The following STK11IP variants were observed in gnomAD, a reference collection of about 807,000 sequenced individuals.
The protein encoded by STK11IP is serine/threonine-protein kinase 11-interacting protein.
Under a neutral mutation model 131.7 loss-of-function variants are expected in STK11IP, and 103 were observed. That is an observed-to-expected ratio of 0.78 (90% CI 0.67 to 0.92). The LOEUF (loss-of-function observed/expected upper bound fraction) is 0.92. Ranked by LOEUF, STK11IP falls within the 40% of genes least tolerant of loss-of-function variation. STK11IP has a pLI of 0.00. For synonymous variants in STK11IP, 557 were observed against 575.6 expected (o/e 0.97, Z 0.46); for missense variants, 1,315 against 1,385.7 (o/e 0.95, Z 0.81).
At position 219,608,296 on chromosome 2, in the gene STK11IP, T is replaced by C; in HGVS notation, c.1469T>C (p.Val490Ala). 1 of 1,609,380 alleles carries C rather than the reference T, an allele frequency of 6.2e-7. No individual in the cohort carries two copies. The highest frequency in any genetic ancestry group is 1.3e-5 in the African/African-American group (1 of 74,078). The stretch of plus-strand genomic sequence containing the variant: ...TCACCACAGAAAATGTCAGAGGAGG[T>C]CAGGGCGGAGCCACAGGAGGAGGAA... ...QESPQKMSEE[V>A]RAEPQEEEEE... is the part of the protein sequence containing the mutation. Residue 490 changes from valine (V) to alanine (A), a missense_variant, in exon 14 of 25, where the codon GTC becomes GCC. Transcript: ENST00000456909.
At chr2:219,601,851 A>C (rs759174721) in intron 4 of STK11IP, 136 bp downstream of exon 4, 30 of 1,241,040 alleles carry the variant, frequency 2.4e-5, no homozygotes, top group Non-Finnish European at 3.5e-5. Flanking sequence ...TGTGATATCC[A>C]CTGTCTTTCC....
chr2:219,612,907 G>T (rs575861227), intron 19 of STK11IP: 1 of 543,138 alleles, frequency 1.8e-6, no homozygotes, highest in East Asian at 3.2e-5. Context: ...GAGGCGACAG[G>T]CAGGGAAGCC....
intron 23 of STK11IP, 45 bp from the exon 24 acceptor site, chr2:219,615,048 TG>T (rs1416767379): frequency 6.3e-7 from 1 of 1,580,732 alleles, no homozygotes; most frequent in Non-Finnish European, 8.6e-7. Context: ...CCCAGGGATC[TG>T]GGCCCCTCCA....
rs1031896488 is a variant in STK11IP at position 219,598,251 on chromosome 2, G to T, written c.61+71G>T. 4.3e-6 allele frequency: 5 copies of T among 1,155,452 alleles called. No homozygotes were observed. The African/African-American group carries it at 4.7e-5, about 11-fold the overall frequency. The allele number at this position is 1,155,452 out of a possible 1,614,324, so 71.6% of individuals were successfully genotyped here. ...TGGGGGTGGTGCTTTCTGGAGACAC[G>T]CCCTGAGAGTCATGGAGTTACGACT... On this transcript the variant is annotated intron_variant, in intron 2 of 24. Coordinates refer to ENST00000456909, the MANE Select transcript of STK11IP (RefSeq NM_052902.4).
rs990712033 is a variant in STK11IP, at chr2:219,604,892, C to T, written c.619-716C>T. Reference sequence around the variant, plus strand: ...TTGCCCAGGCTGGAGTGCAATGGCACGATCTTGGCTCACCGTAACCTCTGC... The same window carrying T: ...TTGCCCAGGCTGGAGTGCAATGGCATGATCTTGGCTCACCGTAACCTCTGC... On this transcript the variant is annotated intron_variant, in intron 7 of 24. Transcript: ENST00000456909. Among the ~76,000 whole-genome samples the T allele has an allele frequency of 1.3e-4, 19 of 151,998 alleles. No individual in the cohort carries two copies. The South Asian group carries it at 1.7e-3, about 13-fold the overall frequency.
At position 219,608,766 on chromosome 2, in the gene STK11IP, C is replaced by A; in HGVS notation, c.1787C>A (p.Ala596Asp). ...EAAEIEPEAQ[A>D]QRSPRPTGSD... is the part of the protein sequence containing the mutation. ...GCTGAGATAGAGCCGGAGGCCCAGG[C>A]CCAGAGGTCGCCCAGGCCCACGGTG... The change falls in exon 15 of 25, where the codon GCC (alanine) becomes GAC (aspartate). Residue 596 changes from alanine to aspartate, a missense_variant. Coordinates refer to ENST00000456909, the MANE Select transcript of STK11IP (RefSeq NM_052902.4). 2 of 1,608,246 alleles carry A rather than the reference C, an allele frequency of 1.2e-6. No homozygotes were observed. The highest frequency in any genetic ancestry group is 1.7e-6 in the Non-Finnish European group (2 of 1,177,970).
chr2:219,608,065 A>T lies in STK11IP; in HGVS notation c.1238A>T (p.His413Leu). The change falls in exon 14 of 25, where the codon CAC (histidine) becomes CTC (leucine). Residue 413 changes from histidine (H) to leucine (L), a missense_variant. Coordinates refer to ENST00000456909, the MANE Select transcript of STK11IP (RefSeq NM_052902.4). ...TGCCTAGGATGGTTCGTGCAGCAGC[A>T]CCCGGAGCTGGAGCTCATGAGCAGC... ...PSPAGWFVQQ[H>L]PELELMSSFR... 6.2e-7 allele frequency: 1 copy of T among 1,611,956 alleles called. No homozygotes were observed. Among genetic ancestry groups the T allele is most frequent in the African/African-American group, 1.3e-5 (1 of 74,972 alleles).
Position 219,608,135 on chromosome 2 carries a change from C to T in STK11IP, c.1308C>T (p.His436=). Residue 436 remains histidine (H), a synonymous_variant, in exon 14 of 25, where the codon CAC becomes CAT. Coordinates refer to ENST00000456909, the MANE Select transcript of STK11IP (RefSeq NM_052902.4). ...FGRNWLQYRS[H]LEPSGNPLPA... is the part of the protein sequence containing the mutation. ...GCAACTGGCTGCAGTACAGGAGTCACCTGGAGCCCTCCGGAAACCCTCTGC... is the reference window on the plus strand; with the variant it reads ...GCAACTGGCTGCAGTACAGGAGTCATCTGGAGCCCTCCGGAAACCCTCTGC... 1 of 1,613,466 alleles carries T rather than the reference C, an allele frequency of 6.2e-7. No homozygotes were observed. The highest frequency in any genetic ancestry group is 1.3e-5 in the African/African-American group (1 of 75,034).
At chr2:219,611,927 C>T in intron 18 of STK11IP, 28 bp from the exon 19 acceptor site, 2 of 1,577,228 alleles carry the variant, frequency 1.3e-6, no homozygotes, top group Admixed American at 1.8e-5. Context: ...CTGCCATGGG[C>T]AGGCTGATGC....
rs139299106 is a variant in STK11IP, at chr2:219,597,879, G to A, written c.-71G>A. On this transcript the variant is annotated 5_prime_UTR_variant, in exon 1 of 25. Coordinates refer to ENST00000456909, the MANE Select transcript of STK11IP (RefSeq NM_052902.4). ...GGGACTTCCTTTCCATCATTGATAG[G>A]CGCCGGGCAGCTGAGCTGGTAGGAG... 6.1e-3 allele frequency: 9,856 copies of A among 1,606,734 alleles called. 52 individuals are homozygous for A. The highest frequency in any genetic ancestry group is 7.5e-3 in the Admixed American group (442 of 58,920).
In STK11IP at chr2:219,602,555, A is replaced by C. The variant is rs1698022866; in HGVS notation, c.526A>C (p.Thr176Pro). Residue 176 changes from threonine to proline, a missense_variant, in exon 6 of 25, where the codon ACC becomes CCC. By Grantham distance (38) the Thr-to-Pro change is conservative (BLOSUM62 -1). Transcript: ENST00000456909. ...LSANFSYNAL[T>P]ALDSSLRLLS... ...TGCCAACTTCAGCTACAATGCACTG[A>C]CCGCCTTAGACAGCTCCCTGGTGAG... 3 of 1,613,782 alleles carry C rather than the reference A, an allele frequency of 1.9e-6. No homozygotes were observed. The highest frequency in any genetic ancestry group is 1.7e-5 in the Admixed American group (1 of 59,984).
rs1698259837 is a variant in STK11IP, at chr2:219,608,190, G to A, written c.1363G>A (p.Ala455Thr). Residue 455 changes from alanine to threonine, a missense_variant, in exon 14 of 25, where the codon GCA becomes ACA. Coordinates refer to ENST00000456909, the MANE Select transcript of STK11IP (RefSeq NM_052902.4). ...PATPTTSAPS[A>T]PPASSQGPDT... ...CACCCCCACTACTTCTGCACCCAGT[G>A]CACCTCCAGCCAGCTCCCAGGGCCC... 1 of 1,613,614 alleles carries A rather than the reference G, an allele frequency of 6.2e-7. No homozygotes were observed. The highest frequency in any genetic ancestry group is 1.7e-5 in the Admixed American group (1 of 60,028).
At position 219,613,072 on chromosome 2, in the gene STK11IP, G is replaced by C. The variant is rs138829519; in HGVS notation, c.2440-56G>C. 7.6e-5 allele frequency: 112 copies of C among 1,465,998 alleles called. No homozygotes were observed. The African/African-American group carries it at 1.3e-3, about 17-fold the overall frequency. The allele number at this position is 1,465,998 out of a possible 1,614,324, so 90.8% of individuals were successfully genotyped here. A position where few individuals can be genotyped will look rare whatever the true frequency, so the allele number is the denominator to read the frequency against. On this transcript the variant is annotated intron_variant, in intron 19 of 24. Coordinates refer to ENST00000456909, the MANE Select transcript of STK11IP (RefSeq NM_052902.4). ...TCACCAGGAACTCGGCTTTCAGTCT[G>C]GCCCCACCTCCCCAGGCCTCTCATC...
chr2:219,597,924 G>C lies in STK11IP; in HGVS notation c.-27+1G>C, dbSNP rs1357182590. On this transcript the variant is annotated splice_donor_variant, in intron 1 of 24. Transcript: ENST00000456909. LOFTEE classifies it low-confidence loss of function (5UTR_SPLICE). ...TAGGAGGACCAGACGGGGAGGTTCGGTATGTCTGACCAGGACTTATGTTCC... is the reference window on the plus strand; with the variant it reads ...TAGGAGGACCAGACGGGGAGGTTCGCTATGTCTGACCAGGACTTATGTTCC... 1 of 1,612,306 alleles carries C rather than the reference G, an allele frequency of 6.2e-7. No homozygotes were observed. Among genetic ancestry groups the C allele is most frequent in the South Asian group, 1.1e-5 (1 of 90,746 alleles).
At chr2:219,615,995 C>G (rs1241793401) in intron 24 of STK11IP, 49 bp from the exon 25 acceptor site, 2 of 1,600,828 alleles carry the variant, frequency 1.2e-6, no homozygotes, top group Admixed American at 1.7e-5. Flanking sequence ...TGTACCCACC[C>G]TGGTGTGGTC....
intron 23 of STK11IP, 159 bp from the exon 24 acceptor site, chr2:219,614,935 C>G: frequency 1.2e-6 from 1 of 841,800 alleles, no homozygotes; most frequent in Admixed American, 2.8e-5. Flanking sequence ...ATTCATGGAG[C>G]TTGGGAAAGG....
At chr2:219,598,005 C>A in intron 1 of STK11IP, 82 bp downstream of exon 1, 1 of 1,583,560 alleles carries the variant, frequency 6.3e-7, no homozygotes, top group South Asian at 1.1e-5. Context: ...GCCTTTTTCT[C>A]CGCATGACGC....
chr2:219,600,048 TTTTTGTTTTTG>T lies in STK11IP; in HGVS notation c.62-1182_62-1172del, dbSNP rs1559175173. 5.0e-5 allele frequency among the ~76,000 whole-genome samples: 7 copies of T among 140,140 alleles called. 1 individual carries two copies. The highest frequency in any genetic ancestry group is 2.1e-4 in the African/African-American group (7 of 33,768). The allele number at this position is 140,140 out of a possible 152,430, so 91.9% of individuals were successfully genotyped here. Reference sequence around the variant, plus strand: ...ACCACGCCTGCCCTTTGTGTTTTTTTTTTTGTTTTTGTTTTTTTTTTTTTTTTTTTTTGAGA... The same window carrying T: ...ACCACGCCTGCCCTTTGTGTTTTTTTTTTTTTTTTTTTTTTTTTTTTGAGA... On this transcript the variant is annotated intron_variant, in intron 2 of 24. Transcript: ENST00000456909.
chr2:219,612,250 A>G (rs1234697606), intron 19 of STK11IP, among the ~76,000 whole-genome samples, 192 bp downstream of exon 19: 1 of 152,214 alleles, frequency 6.6e-6, no homozygotes, highest in South Asian at 2.1e-4. Context: ...CCTGTCTGCA[A>G]TGGAGATAAC....
Sources: allele counts gnomAD v4.1 joint callset (sites outside exome capture counted in the v4.1 genomes callset), GRCh38; gene constraint gnomAD v4.1.1; transcripts MANE v1.5; gene names NCBI Gene and HGNC (gene_info 2026-07-23, HGNC 2026-07-21).